The following C4BPA variants were observed in gnomAD, a reference collection of about 807,000 sequenced individuals.
C4BPA encodes the protein complement component 4 binding protein alpha.
Under a neutral mutation model 63.7 loss-of-function variants are expected in C4BPA, and 31 were observed. That is an observed-to-expected ratio of 0.49 (90% CI 0.37 to 0.66). C4BPA has a LOEUF of 0.66. Among genes scored for constraint, C4BPA ranks in the 30% least tolerant of loss-of-function variants. The pLI is 0.00. For synonymous variants in C4BPA, 259 were observed against 254.7 expected, an observed-to-expected ratio of 1.02 and a Z score of -0.16; for missense variants, 572 against 723.3, an observed-to-expected ratio of 0.79 and a Z score of 2.40.
chr1:207,114,413 C>A, intron 3 of C4BPA, 128 bp downstream of exon 3: 1 of 577,152 alleles, frequency 1.7e-6, no homozygotes, highest in Non-Finnish European at 2.8e-6. Context: ...AATGTACATA[C>A]TTGTGGCATT....
At chr1:207,132,616 T>C (rs890495040) in intron 8 of C4BPA, among the ~76,000 whole-genome samples, 23 of 152,152 alleles carry the variant, frequency 1.5e-4, no homozygotes, top group Non-Finnish European at 3.2e-4. Flanking sequence ...TTTGGGGAAA[T>C]AGAATAAAAG....
intron 3 of C4BPA, chr1:207,114,910 A>G (rs1684750914): frequency 6.5e-6 from 1 of 153,296 alleles, no homozygotes; most frequent in South Asian, 2.0e-4. Context: ...TAAAAAAGGT[A>G]GGTGGCTAGA....
rs1377184436 is a variant in C4BPA at position 207,105,842 on chromosome 1, G to T, written c.-26+1412G>T. Among the ~76,000 whole-genome samples the T allele has an allele frequency of 5.3e-5, 8 of 152,312 alleles. No homozygotes were observed. The East Asian group carries it at 1.5e-3, about 29-fold the overall frequency. ...AGTGACTCTCAAATTGCACTGCATT[G>T]CTAAGTGCTGATATTATTTTTCACA... On this transcript the variant is annotated intron_variant, in intron 1 of 11. Coordinates refer to ENST00000367070, the MANE Select transcript of C4BPA (RefSeq NM_000715.4).
chr1:207,141,570 T>G (rs1685416398), intron 10 of C4BPA, among the ~76,000 whole-genome samples: 1 of 152,196 alleles, frequency 6.6e-6, no homozygotes, highest in Non-Finnish European at 1.5e-5. Flanking sequence ...TTTATCTTAG[T>G]GTACCTGTGG....
chr1:207,126,808 CA>C lies in C4BPA; in HGVS notation c.807del (p.Gly270ValfsTer9). 6.2e-7 allele frequency: 1 copy of C among 1,613,018 alleles called. No homozygotes were observed. Among genetic ancestry groups the C allele is most frequent in the Non-Finnish European group, 8.5e-7 (1 of 1,179,334 alleles). ...CAAAGACACTATTGTGTTTAAGTGC[CA>C]AAAAGGTTTTGTTCTCAGAGGCAGC... ...NYKDTIVFKC[Q>X]KGFVLRGSSV... On this transcript the variant is annotated frameshift_variant, in exon 7 of 12. Transcript: ENST00000367070. LOFTEE classifies it high-confidence loss of function.
rs1417903002 is a variant in C4BPA at position 207,118,236 on chromosome 1, T to TATCTATCTATCTATC, written c.428+2732_428+2733insTATCATCTATCTATC. On this transcript the variant is annotated intron_variant, in intron 4 of 11. Coordinates refer to ENST00000367070, the MANE Select transcript of C4BPA (RefSeq NM_000715.4). ...CTGTCTATCTATCTATCTATCTATC[T>TATCTATCTATCTATC]ATCTATCTATCATCTATCTACTATT... is the stretch of plus-strand genomic sequence containing the variant. Among the ~76,000 whole-genome samples the TATCTATCTATCTATC allele has an allele frequency of 7.4e-3, 1,112 of 150,014 alleles. 19 individuals are homozygous for TATCTATCTATCTATC. Among genetic ancestry groups the TATCTATCTATCTATC allele is most frequent in the African/African-American group, 0.027 (1,060 of 39,540 alleles).
intron 4 of C4BPA, among the ~76,000 whole-genome samples, chr1:207,118,432 C>T (rs551054657): frequency 2.9e-4 from 44 of 152,304 alleles, no homozygotes; most frequent in African/African-American, 1.1e-3. Context: ...AACTTACAAT[C>T]ATCGCAGAAG....
intron 10 of C4BPA, among the ~76,000 whole-genome samples, 157 bp downstream of exon 10, chr1:207,141,433 C>G (rs1685413323): frequency 6.6e-6 from 1 of 152,214 alleles, no homozygotes; most frequent in African/African-American, 2.4e-5. Flanking sequence ...AATGCAAAAA[C>G]TACAAAGGGC....
At chr1:207,105,367 G>C (rs1019326140) in intron 1 of C4BPA, among the ~76,000 whole-genome samples, 1 of 152,050 alleles carries the variant, frequency 6.6e-6, no homozygotes, top group African/African-American at 2.4e-5. Flanking sequence ...AGACCAGCCT[G>C]ACCAACATGG....
chr1:207,120,045 G>A (rs763440905), intron 4 of C4BPA, among the ~76,000 whole-genome samples: 10 of 152,154 alleles, frequency 6.6e-5, no homozygotes, highest in Non-Finnish European at 1.3e-4. Context: ...GGTGCACCCA[G>A]TATGTCTGGG....
intron 1 of C4BPA, among the ~76,000 whole-genome samples, chr1:207,108,301 A>C (rs186759321): frequency 3.6e-4 from 55 of 152,252 alleles, no homozygotes; most frequent in Non-Finnish European, 3.1e-4. Context: ...TTTAAATATT[A>C]TTCCAGAAAA....
intron 1 of C4BPA, 73 bp from the exon 2 acceptor site, chr1:207,112,928 A>G: frequency 2.2e-6 from 3 of 1,366,386 alleles, no homozygotes; most frequent in South Asian, 3.1e-5. Context: ...CATGGATCCC[A>G]TAACATTTAT....
intron 1 of C4BPA, among the ~76,000 whole-genome samples, chr1:207,105,019 T>C (rs1684530065): frequency 6.6e-6 from 1 of 152,364 alleles, no homozygotes; most frequent in South Asian, 2.1e-4. Context: ...ACGATGCTGA[T>C]AACCCTTCCT....
chr1:207,125,815 A>G (rs1685027525), intron 6 of C4BPA, among the ~76,000 whole-genome samples: 1 of 152,210 alleles, frequency 6.6e-6, no homozygotes, highest in Non-Finnish European at 1.5e-5. Context: ...GCAACCCTCC[A>G]GCCAAAAACT....
At chr1:207,125,434 C>G (rs890368384) in intron 6 of C4BPA, among the ~76,000 whole-genome samples, 1 of 152,160 alleles carries the variant, frequency 6.6e-6, no homozygotes, top group Non-Finnish European at 1.5e-5. Flanking sequence ...ATGTGCATCT[C>G]CAAACTCATG....
intron 2 of C4BPA, among the ~76,000 whole-genome samples, chr1:207,113,859 T>A (rs1572776614): frequency 6.6e-6 from 1 of 152,260 alleles, no homozygotes; most frequent in Admixed American, 6.5e-5. Flanking sequence ...GGGAAAAAAA[T>A]TCTGCCTTTT....
intron 1 of C4BPA, 60 bp from the exon 2 acceptor site, chr1:207,112,941 T>C: frequency 6.9e-7 from 1 of 1,439,328 alleles, no homozygotes; most frequent in Non-Finnish European, 9.3e-7. Flanking sequence ...ACATTTATTC[T>C]AGTGCTTTAT....
At chr1:207,108,920 A>G (rs1198809556) in intron 1 of C4BPA, among the ~76,000 whole-genome samples, 1 of 152,034 alleles carries the variant, frequency 6.6e-6, no homozygotes, top group Non-Finnish European at 1.5e-5. Context: ...ACGGGGTTTC[A>G]CCATGTTAGT....
At chr1:207,143,748 T>C in intron 10 of C4BPA, 70 bp from the exon 11 acceptor site, 2 of 1,057,104 alleles carry the variant, frequency 1.9e-6, no homozygotes, top group Admixed American at 1.9e-5. Context: ...TTCATTCTTA[T>C]TATCCGAGAC....
Sources: gnomAD v4.1 joint callset for allele counts (sites outside exome capture counted in the v4.1 genomes callset) on GRCh38, gnomAD v4.1.1 for gene constraint, MANE v1.5 for transcripts, NCBI Gene and HGNC (gene_info 2026-07-23, HGNC 2026-07-21) for gene names.